The following MORC4 variants were observed in gnomAD, a reference collection of about 807,000 sequenced individuals.
The protein encoded by MORC4 is MORC family CW-type zinc finger 4.
A neutral mutation model predicts 65.5 loss-of-function variants in MORC4; 22 were observed. The observed-to-expected ratio is 0.34, with a 90% confidence interval of 0.24 to 0.48. The LOEUF (loss-of-function observed/expected upper bound fraction) is 0.48, where lower values mean the gene tolerates loss of function less well. MORC4 is among the 20% of genes least tolerant of loss of function. MORC4 has a pLI of 0.99. For synonymous variants in MORC4, 267 were observed against 255.8 expected (o/e 1.04, Z -0.42); for missense variants, 624 against 703.0 (o/e 0.89, Z 1.27).
chrX:106,974,475 T>C (rs1934582607), intron 9 of MORC4, among the ~76,000 whole-genome samples: 1 of 111,807 alleles, frequency 8.9e-6, no homozygotes, highest in African/African-American at 3.3e-5. Flanking sequence ...CTTCCACATC[T>C]TATATCATGT....
At chrX:106,942,391 C>T (rs1933712087) in intron 15 of MORC4, 124 bp downstream of exon 15, 2 of 875,175 alleles carry the variant, frequency 2.3e-6, no homozygotes, top group Admixed American at 3.2e-5. Flanking sequence ...TGAAACACAC[C>T]ACAGAATAGT....
chrX:106,945,816 G>T (rs1933812698), intron 14 of MORC4, among the ~76,000 whole-genome samples: 1 of 110,559 alleles, frequency 9.0e-6, no homozygotes, highest in African/African-American at 3.3e-5. Context: ...GTGTATTTTT[G>T]GTTTTCTCCT....
rs1220937692 is a variant in MORC4, at chrX:106,942,623, T to C, written c.2268A>G (p.Glu756=). ...TCTTCAACTTTGGTGTATTATGACCTTCGCTCTCCTCATAGCCTCTTGCTT... is the reference window on the plus strand; with the variant it reads ...TCTTCAACTTTGGTGTATTATGACCCTCGCTCTCCTCATAGCCTCTTGCTT... The part of the protein sequence containing the change: ...GEKARGYEES[E]GHNTPKLKNQ... The change falls in exon 15 of 17, where the codon GAA becomes GAG. Residue 756 remains glutamate, a synonymous_variant. Coordinates refer to ENST00000355610, the MANE Select transcript of MORC4 (RefSeq NM_024657.5). The C allele has an allele frequency of 8.3e-7, 1 of 1,209,700 alleles. No homozygotes were observed. Among genetic ancestry groups the C allele is most frequent in the African/African-American group, 1.8e-5 (1 of 57,062 alleles).
chrX:106,981,223 G>A (rs1371433079), intron 6 of MORC4, 122 bp downstream of exon 6: 2 of 871,524 alleles, frequency 2.3e-6, no homozygotes, highest in African/African-American at 4.1e-5. Flanking sequence ...CAATAAAAAG[G>A]AATACTAGCA....
intron 2 of MORC4, among the ~76,000 whole-genome samples, chrX:106,997,515 G>A (rs1184741203): frequency 9.0e-6 from 1 of 111,678 alleles, no homozygotes; most frequent in East Asian, 2.8e-4. Context: ...CTTAGTATCT[G>A]GCGTAAAAAG....
intron 11 of MORC4, 54 bp from the exon 12 acceptor site, chrX:106,957,058 T>C (rs1934126412): frequency 2.5e-6 from 2 of 785,653 alleles, no homozygotes; most frequent in Non-Finnish European, 3.8e-6. Flanking sequence ...CCTTCACTTT[T>C]ACCTTTTAAT....
intron 9 of MORC4, among the ~76,000 whole-genome samples, chrX:106,975,656 T>C (rs987123758): frequency 9.0e-6 from 1 of 111,364 alleles, no homozygotes; most frequent in Non-Finnish European, 1.9e-5. Flanking sequence ...GCAAATGTCC[T>C]CATGCCTTCT....
chrX:106,982,724 C>T (rs1054529119), intron 5 of MORC4, among the ~76,000 whole-genome samples: 2 of 112,049 alleles, frequency 1.8e-5, no homozygotes, highest in South Asian at 3.7e-4. Context: ...CTCAGCCTCC[C>T]AAAGGGCTGG....
intron 3 of MORC4, among the ~76,000 whole-genome samples, chrX:106,986,796 T>C (rs1934878864): frequency 8.9e-6 from 1 of 111,887 alleles, no homozygotes; most frequent in African/African-American, 3.2e-5. Flanking sequence ...CATTGGAATG[T>C]GGCCAAAGGA....
chrX:106,948,521 A>G (rs1001044996), intron 14 of MORC4, among the ~76,000 whole-genome samples: 2 of 111,990 alleles, frequency 1.8e-5, no homozygotes, highest in African/African-American at 3.2e-5. Context: ...AGTTACTTTT[A>G]TAAGCACTCT....
rs1422050296 is a variant in MORC4, at chrX:106,947,581, A to G, written c.1686-4376T>C. 1.4e-3 allele frequency among the ~76,000 whole-genome samples: 128 copies of G among 90,442 alleles called. 1 individual carries two copies. The highest frequency in any genetic ancestry group is 5.4e-3 in the African/African-American group (126 of 23,503). 78.5% of individuals were successfully genotyped at this position (90,442 alleles called of 115,157 possible). On this transcript the variant is annotated intron_variant, in intron 14 of 16. Coordinates refer to ENST00000355610, the MANE Select transcript of MORC4 (RefSeq NM_024657.5). ...ATCTATATATATATATTATATATAT[A>G]TATATATATAATATATATATATATA...
At position 106,942,932 on chromosome X, in the gene MORC4, G is replaced by C; in HGVS notation, c.1959C>G (p.Arg653=). 2.5e-6 allele frequency: 3 copies of C among 1,211,762 alleles called. No homozygotes were observed. Among genetic ancestry groups the C allele is most frequent in the Non-Finnish European group, 2.2e-6 (2 of 895,470 alleles). Residue 653 remains arginine, a synonymous_variant, in exon 15 of 17, where the codon CGC becomes CGG. Transcript: ENST00000355610. ...SILYPGAKDQ[R]QGSLLPEELE... ...ATTCTTCAGGAAGCAGGGACCCCTG[G>C]CGTTGGTCTTTGGCCCCTGGATACA...
At chrX:106,984,975 C>G in intron 5 of MORC4, 121 bp downstream of exon 5, 5 of 595,545 alleles carry the variant, frequency 8.4e-6, no homozygotes, top group Non-Finnish European at 1.2e-5. Flanking sequence ...TCGAGACCAG[C>G]CTGGGCAACA....
intron 7 of MORC4, 61 bp from the exon 8 acceptor site, chrX:106,978,260 C>G: frequency 1.8e-6 from 2 of 1,118,238 alleles, no homozygotes; most frequent in African/African-American, 1.8e-5. Flanking sequence ...AAATTTTACA[C>G]CATATTATAG....
chrX:106,990,334 G>A (rs1173685913), intron 3 of MORC4, among the ~76,000 whole-genome samples: 1 of 108,546 alleles, frequency 9.2e-6, no homozygotes, highest in Non-Finnish European at 1.9e-5. Flanking sequence ...TCAGCTCACT[G>A]CAACCTCCGC....
Position 106,942,104 on chromosome X carries a change from T to C in MORC4, c.2494A>G (p.Met832Val). ...TGGAATTCAGCTTGGCGATAACCCA[T>C]GTGTTTCTTGCTCCAGTACAAGCCT... ...AEGLYWSKKHMGYRQAEFQIL... is the reference protein window; with the variant it reads ...AEGLYWSKKHVGYRQAEFQIL... Residue 832 changes from methionine (M) to valine (V), a missense_variant, in exon 16 of 17, where the codon ATG (methionine) becomes GTG (valine). Physicochemically the swap from Met to Val is conservative, Grantham distance 21. Coordinates refer to ENST00000355610, the MANE Select transcript of MORC4 (RefSeq NM_024657.5). 8.3e-7 allele frequency: 1 copy of C among 1,211,580 alleles called. No homozygotes were observed. Among genetic ancestry groups the C allele is most frequent in the Non-Finnish European group, 1.1e-6 (1 of 895,446 alleles).
chrX:106,975,158 T>C (rs1350940479), intron 9 of MORC4, among the ~76,000 whole-genome samples: 1 of 111,926 alleles, frequency 8.9e-6, no homozygotes, highest in African/African-American at 3.2e-5. Context: ...AAAGATGATA[T>C]AGAAAGATGT....
At chrX:106,974,312 C>G (rs1285977853) in intron 9 of MORC4, among the ~76,000 whole-genome samples, 1 of 111,578 alleles carries the variant, frequency 9.0e-6, no homozygotes, top group Non-Finnish European at 1.9e-5. Flanking sequence ...CCAACTGCTG[C>G]TCTGGGGTAT....
chrX:106,959,540 T>C (rs1459437283), intron 10 of MORC4, among the ~76,000 whole-genome samples: 2 of 111,904 alleles, frequency 1.8e-5, no homozygotes, highest in African/African-American at 6.5e-5. Flanking sequence ...TTCTTGTTGT[T>C]GTTGTTTTTT....
Sources: gnomAD v4.1 joint callset for allele counts (sites outside exome capture counted in the v4.1 genomes callset) on GRCh38, gnomAD v4.1.1 for gene constraint, MANE v1.5 for transcripts, NCBI Gene and HGNC (gene_info 2026-07-23, HGNC 2026-07-21) for gene names.